The following PARP6 variants were observed in gnomAD, a reference collection of about 807,000 sequenced individuals.
PARP6 encodes the protein protein mono-ADP-ribosyltransferase PARP6.
Under a neutral mutation model 92.0 loss-of-function variants are expected in PARP6, and 27 were observed. The ratio of observed to expected loss-of-function variants is 0.29; its 90% CI spans 0.22 to 0.40. PARP6 has a LOEUF of 0.40. PARP6 is among the 10% of genes least tolerant of loss of function. The pLI, the probability that PARP6 is intolerant of heterozygous loss-of-function variation, is 1.00. For missense variants in PARP6, 501 were observed against 784.5 expected (o/e 0.64, Z 4.32); for synonymous variants, 272 against 281.2 (o/e 0.97, Z 0.33).
intron 20 of PARP6, chr15:72,243,678 T>G (rs533199581): frequency 6.6e-6 from 1 of 152,346 alleles, no homozygotes; most frequent in South Asian, 2.1e-4. Flanking sequence ...GGTTTGAGGA[T>G]AGGACGTTAA....
At chr15:72,250,308 G>A (rs2084184178) in intron 18 of PARP6, 2 of 487,414 alleles carry the variant, frequency 4.1e-6, no homozygotes, top group Non-Finnish European at 7.5e-6. Context: ...CCTCTCTTCG[G>A]TGCTTCAGCT....
chr15:72,258,145 C>T lies in PARP6; in HGVS notation c.811-13G>A, dbSNP rs769477503. 34 of 1,588,134 alleles carry T rather than the reference C, an allele frequency of 2.1e-5. No individual in the cohort carries two copies. Among genetic ancestry groups the T allele is most frequent in the Non-Finnish European group, 2.7e-5 (31 of 1,156,426 alleles). On this transcript the variant is annotated splice_polypyrimidine_tract_variant and intron_variant, in intron 11 of 23. Coordinates refer to ENST00000569795, the MANE Select transcript of PARP6 (RefSeq NM_001323532.2). ...CATACTTCATGATCTGAGAAAACAA[C>T]AGATTCTAAGTCTTTTGGAAGTACT...
chr15:72,242,124 C>T lies in PARP6; in HGVS notation c.1705+33G>A. ...TTACATCAGAAACAAAGGTTAGAGA[C>T]CCAGAAAAACAGGACATGGGCAAGC... On this transcript the variant is annotated intron_variant, in intron 22 of 23. Transcript: ENST00000569795. The surrounding 1 kb of genome is among the most constrained non-coding windows in gnomAD (Gnocchi z 4.3). The T allele has an allele frequency of 1.9e-6, 3 of 1,592,378 alleles. No individual in the cohort carries two copies. The highest frequency in any genetic ancestry group is 2.6e-6 in the Non-Finnish European group (3 of 1,160,310).
At position 72,250,841 on chromosome 15, in the gene PARP6, T is replaced by C; in HGVS notation, c.1418+4A>G. On this transcript the variant is annotated splice_donor_region_variant and intron_variant, in intron 18 of 23. Coordinates refer to ENST00000569795, the MANE Select transcript of PARP6 (RefSeq NM_001323532.2). ...CCCCACTGCCCAGCCCCCAGCCTCC[T>C]CACTGGAAGGCAAAGGTGCTGCCAT... is the stretch of plus-strand genomic sequence containing the variant. 2 of 1,173,022 alleles carry C rather than the reference T, an allele frequency of 1.7e-6. No homozygotes were observed. The highest frequency in any genetic ancestry group is 1.2e-5 in the South Asian group (1 of 81,790). The allele number at this position is 1,173,022 out of a possible 1,614,324, so 72.7% of individuals were successfully genotyped here. A position where few individuals can be genotyped will look rare whatever the true frequency, so the allele number is the denominator to read the frequency against.
chr15:72,264,438 A>C (rs772148950), intron 8 of PARP6, 117 bp downstream of exon 8: 31 of 759,872 alleles, frequency 4.1e-5, no homozygotes, highest in Non-Finnish European at 6.4e-5. Flanking sequence ...GGCATATTTC[A>C]GAAAGACATT....
At chr15:72,259,406 TG>T (rs2085552305) in intron 11 of PARP6, among the ~76,000 whole-genome samples, 1 of 152,240 alleles carries the variant, frequency 6.6e-6, no homozygotes, top group Non-Finnish European at 1.5e-5. Context: ...CATTGGCACT[TG>T]ATCATAAGTG....
At chr15:72,262,081 G>C (rs2085966781) in intron 8 of PARP6, among the ~76,000 whole-genome samples, 1 of 152,198 alleles carries the variant, frequency 6.6e-6, no homozygotes, top group Admixed American at 6.5e-5. Flanking sequence ...TTCCTTGTGA[G>C]TCATGAAGAA....
Position 72,250,054 on chromosome 15 carries a change from T to A in PARP6, c.1457A>T (p.Asn486Ile). ...HIENWHSILR[N>I]GLVNASYTKL... ...GGTGTAGGATGCATTGACCAGCCCATTGCGCAGGATCGAATGCCAGTTCTC... is the reference window on the plus strand; with the variant it reads ...GGTGTAGGATGCATTGACCAGCCCAATGCGCAGGATCGAATGCCAGTTCTC... The change falls in exon 19 of 24, where the codon AAT (asparagine) becomes ATT (isoleucine). Residue 486 changes from asparagine (N) to isoleucine (I), a missense_variant. By Grantham distance (149) the Asn-to-Ile change is moderately radical (BLOSUM62 -3). Transcript: ENST00000569795. The A allele has an allele frequency of 1.2e-6, 2 of 1,611,924 alleles. No homozygotes were observed. Among genetic ancestry groups the A allele is most frequent in the Non-Finnish European group, 1.7e-6 (2 of 1,177,976 alleles).
intron 8 of PARP6, among the ~76,000 whole-genome samples, chr15:72,263,211 A>AT (rs1316163145): frequency 6.6e-6 from 1 of 152,152 alleles, no homozygotes; most frequent in African/African-American, 2.4e-5. Context: ...ACCTAAATGT[A>AT]TTTTCCACTA....
intron 2 of PARP6, among the ~76,000 whole-genome samples, chr15:72,268,496 C>T (rs759232935): frequency 6.6e-6 from 1 of 152,258 alleles, no homozygotes; most frequent in Non-Finnish European, 1.5e-5. Flanking sequence ...GTCAGGAGTT[C>T]AAGACCAGCC....
At chr15:72,265,332 C>T (rs761821583) in intron 6 of PARP6, 81 bp downstream of exon 6, 9 of 1,266,990 alleles carry the variant, frequency 7.1e-6, no homozygotes, top group East Asian at 4.6e-5. Context: ...ATACAGCACT[C>T]GGGAACAAGA....
In PARP6 at chr15:72,260,556, G is replaced by C. The variant is rs2085733612; in HGVS notation, c.678C>G (p.Gly226=). Reference sequence around the variant, plus strand: ...GACCTGCCTGGGGGCTGGGAGGGTAGCCAAACACTTCCACTTTGGGGTTCT... The same window carrying C: ...GACCTGCCTGGGGGCTGGGAGGGTACCCAAACACTTCCACTTTGGGGTTCT... ...TMKNPKVEVF[G]YPPSPQAGLL... The change falls in exon 10 of 24, where the codon GGC becomes GGG. Residue 226 remains glycine (G), a synonymous_variant. Transcript: ENST00000569795. 6.2e-7 allele frequency: 1 copy of C among 1,614,064 alleles called. No homozygotes were observed. Among genetic ancestry groups the C allele is most frequent in the Admixed American group, 1.7e-5 (1 of 60,004 alleles).
rs1349523119 is a variant in PARP6, at chr15:72,249,329, C to T, written c.1492-15G>A. On this transcript the variant is annotated splice_polypyrimidine_tract_variant and intron_variant, in intron 19 of 23. Transcript: ENST00000569795. Reference sequence around the variant, plus strand: ...GCTCCATGCAGCTTGCAGGGAAACACCAGGATGAGTAATATGAGCCTGGGC... The same window carrying T: ...GCTCCATGCAGCTTGCAGGGAAACATCAGGATGAGTAATATGAGCCTGGGC... 55 of 1,539,622 alleles carry T rather than the reference C, an allele frequency of 3.6e-5. No individual in the cohort carries two copies. Among genetic ancestry groups the T allele is most frequent in the Non-Finnish European group, 4.9e-5 (55 of 1,118,492 alleles).
At chr15:72,265,237 A>G (rs2086427096) in intron 6 of PARP6, 66 bp from the exon 7 acceptor site, 1 of 1,163,314 alleles carries the variant, frequency 8.6e-7, no homozygotes, top group Admixed American at 1.8e-5. Flanking sequence ...AATTTCCCCT[A>G]TATGACACAC....
rs574491466 is a variant in PARP6 at position 72,249,069 on chromosome 15, G to T, written c.1561+176C>A. 5.4e-5 allele frequency: 23 copies of T among 422,658 alleles called. No individual in the cohort carries two copies. The South Asian group carries it at 1.4e-3, about 25-fold the overall frequency. 26.2% of individuals were successfully genotyped at this position (422,658 alleles called of 1,614,324 possible). On this transcript the variant is annotated intron_variant, in intron 20 of 23. Transcript: ENST00000569795. Reference sequence around the variant, plus strand: ...ACAATAACTGGCCTCACCTTGTAAAGAATCTAAATTTCTAATAAGAAAATG... The same window carrying T: ...ACAATAACTGGCCTCACCTTGTAAATAATCTAAATTTCTAATAAGAAAATG...
chr15:72,246,418 G>C (rs2083611327), intron 20 of PARP6, among the ~76,000 whole-genome samples: 1 of 152,144 alleles, frequency 6.6e-6, no homozygotes, highest in Non-Finnish European at 1.5e-5. Flanking sequence ...AAAGTGCTGG[G>C]ATTACAGGTG....
intron 20 of PARP6, among the ~76,000 whole-genome samples, chr15:72,246,996 G>A (rs936383941): frequency 3.9e-5 from 6 of 152,022 alleles, no homozygotes; most frequent in African/African-American, 1.4e-4. Context: ...AACCTCAGGT[G>A]ATCTCCCTGC....
rs768839993 is a variant in PARP6 at position 72,261,554 on chromosome 15, T to C, written c.545+4A>G. 1 of 1,613,928 alleles carries C rather than the reference T, an allele frequency of 6.2e-7. No homozygotes were observed. Among genetic ancestry groups the C allele is most frequent in the Non-Finnish European group, 8.5e-7 (1 of 1,179,888 alleles). ...ACAGATGATCAGCTTTAGGGAGCACTTACTTGGGGATGGGTGAAAAGATGC... is the reference window on the plus strand; with the variant it reads ...ACAGATGATCAGCTTTAGGGAGCACCTACTTGGGGATGGGTGAAAAGATGC... On this transcript the variant is annotated splice_donor_region_variant and intron_variant, in intron 9 of 23. Coordinates refer to ENST00000569795, the MANE Select transcript of PARP6 (RefSeq NM_001323532.2).
chr15:72,264,980 C>T, intron 7 of PARP6, 101 bp downstream of exon 7: 1 of 758,178 alleles, frequency 1.3e-6, no homozygotes, highest in Admixed American at 2.2e-5. Flanking sequence ...GCAGATTGAG[C>T]CCAAGGACCT....
Sources: allele counts gnomAD v4.1 joint callset (sites outside exome capture counted in the v4.1 genomes callset), GRCh38; gene constraint gnomAD v4.1.1; non-coding constraint Gnocchi (gnomAD v3.1); transcripts MANE v1.5; gene names NCBI Gene and HGNC (gene_info 2026-07-23, HGNC 2026-07-21).